SSH2: variants seen among roughly 807,000 people sequenced by gnomAD.
The protein encoded by SSH2 is protein phosphatase Slingshot homolog 2.
In SSH2, 37 loss-of-function variants were observed where a neutral mutation model predicts 135.2. The ratio of observed to expected loss-of-function variants is 0.27; its 90% CI spans 0.21 to 0.36. SSH2 has a LOEUF of 0.36. SSH2 is among the 10% of genes least tolerant of loss of function. The pLI is 1.00. For synonymous variants in SSH2, 628 were observed against 646.2 expected, an observed-to-expected ratio of 0.97 and a Z score of 0.43; for missense variants, 1,408 against 1,765.3, an observed-to-expected ratio of 0.80 and a Z score of 3.63.
rs148936538 is a variant in SSH2 at position 29,730,413 on chromosome 17, T to G, written c.189-27351A>C. Among the ~76,000 whole-genome samples the G allele has an allele frequency of 7.2e-3, 1,071 of 149,270 alleles. 10 individuals carry two copies. The highest frequency in any genetic ancestry group is 0.021 in the African/African-American group (874 of 40,872). Reference sequence around the variant, plus strand: ...ATGCTGGAGGTGACAGATACTCCATTTACCCTGATGTGATTTGACTTTTTC... The same window carrying G: ...ATGCTGGAGGTGACAGATACTCCATGTACCCTGATGTGATTTGACTTTTTC... On this transcript the variant is annotated intron_variant, in intron 3 of 15. Coordinates refer to ENST00000540801, the MANE Select transcript of SSH2 (RefSeq NM_001282129.2).
chr17:29,758,849 A>G (rs2151248755), intron 3 of SSH2, among the ~76,000 whole-genome samples: 1 of 151,160 alleles, frequency 6.6e-6, no homozygotes, highest in Admixed American at 6.6e-5. Flanking sequence ...CCCGGGCTAA[A>G]GTAATCCTCC....
At chr17:29,819,799 C>T (rs1010869062) in intron 2 of SSH2, among the ~76,000 whole-genome samples, 1 of 152,082 alleles carries the variant, frequency 6.6e-6, no homozygotes, top group Non-Finnish European at 1.5e-5. Context: ...AGTAGGCAGT[C>T]ATTAATAGAC....
At chr17:29,859,980 G>A (rs1330986463) in intron 1 of SSH2, among the ~76,000 whole-genome samples, 1 of 152,056 alleles carries the variant, frequency 6.6e-6, no homozygotes, top group Non-Finnish European at 1.5e-5. Flanking sequence ...CTGAGTAGCT[G>A]GGATTACAGG....
chr17:29,862,221 C>A (rs1166501671), intron 1 of SSH2, among the ~76,000 whole-genome samples: 1 of 152,150 alleles, frequency 6.6e-6, no homozygotes, highest in Non-Finnish European at 1.5e-5. Flanking sequence ...TTCCTTCTTC[C>A]AGGCATCCAC....
chr17:29,784,598 C>CAA (rs59705618), intron 3 of SSH2, among the ~76,000 whole-genome samples: 3 of 138,566 alleles, frequency 2.2e-5, no homozygotes, highest in East Asian at 2.2e-4. Context: ...GACTCCTTCT[C>CAA]AAAAAAAAAA....
chr17:29,874,936 C>T (rs947522859), intron 1 of SSH2, among the ~76,000 whole-genome samples: 1 of 152,074 alleles, frequency 6.6e-6, no homozygotes, highest in African/African-American at 2.4e-5. Flanking sequence ...AACTTTCCCC[C>T]AAGTGATCCC....
intron 3 of SSH2, among the ~76,000 whole-genome samples, chr17:29,741,334 C>T (rs1294821632): frequency 1.3e-5 from 2 of 152,140 alleles, no homozygotes; most frequent in African/African-American, 4.8e-5. Flanking sequence ...TCCTAGCAAT[C>T]CCAGAATTGA....
In SSH2 at chr17:29,768,918, A is replaced by G. The variant is rs544326640; in HGVS notation, c.188+24976T>C. ...ACATTCAGTGTGTGTCAGGTGCTCTATTAAGAGTTTACATGGCCAGGTGTG... is the reference window on the plus strand; with the variant it reads ...ACATTCAGTGTGTGTCAGGTGCTCTGTTAAGAGTTTACATGGCCAGGTGTG... On this transcript the variant is annotated intron_variant, in intron 3 of 15. Transcript: ENST00000540801. 2.0e-5 allele frequency among the ~76,000 whole-genome samples: 3 copies of G among 152,280 alleles called. No homozygotes were observed. In the East Asian group the frequency reaches 5.8e-4, roughly 29 times the overall value.
At chr17:29,700,694 CCCT>C (rs1260166802) in intron 4 of SSH2, among the ~76,000 whole-genome samples, 1 of 152,158 alleles carries the variant, frequency 6.6e-6, no homozygotes, top group Non-Finnish European at 1.5e-5. Context: ...TGTATCATTC[CCCT>C]CCTCATACCA....
intron 13 of SSH2, 81 bp downstream of exon 13, chr17:29,650,573 G>A: frequency 7.5e-7 from 1 of 1,333,986 alleles, no homozygotes; most frequent in South Asian, 1.7e-5. Flanking sequence ...TCAGTAAGTT[G>A]TCTATAGCCC....
intron 2 of SSH2, among the ~76,000 whole-genome samples, chr17:29,814,941 TTTTC>T (rs1267563297): frequency 1.3e-5 from 2 of 150,988 alleles, no homozygotes; most frequent in African/African-American, 2.4e-5. Flanking sequence ...TTACTGTTCC[TTTTC>T]TTTCTTTTTT....
intron 13 of SSH2, among the ~76,000 whole-genome samples, chr17:29,650,022 C>T (rs974506589): frequency 5.9e-5 from 9 of 152,138 alleles, no homozygotes; most frequent in Non-Finnish European, 1.2e-4. Context: ...GGCAAACAAG[C>T]TCGTTTATGG....
At chr17:29,719,772 T>C (rs1178641983) in intron 3 of SSH2, among the ~76,000 whole-genome samples, 2 of 152,222 alleles carry the variant, frequency 1.3e-5, no homozygotes, top group East Asian at 1.9e-4. Context: ...TTCTTCTTTT[T>C]TGAGACAGAG....
intron 3 of SSH2, among the ~76,000 whole-genome samples, chr17:29,763,736 A>G (rs538134620): frequency 2.0e-5 from 3 of 152,178 alleles, no homozygotes; most frequent in Non-Finnish European, 4.4e-5. Context: ...ATAAATATGT[A>G]TCTTGTCTTT....
chr17:29,829,155 A>G (rs2042794728), intron 2 of SSH2, among the ~76,000 whole-genome samples: 1 of 152,180 alleles, frequency 6.6e-6, no homozygotes, highest in African/African-American at 2.4e-5. Context: ...AGACTGTAAT[A>G]GTGGCTGTTT....
chr17:29,896,578 A>G (rs1015201808), intron 1 of SSH2, among the ~76,000 whole-genome samples: 6 of 151,064 alleles, frequency 4.0e-5, no homozygotes, highest in Non-Finnish European at 8.9e-5. Context: ...AAAATACATT[A>G]TAAAATGTAT....
chr17:29,746,020 A>G (rs936771910), intron 3 of SSH2, among the ~76,000 whole-genome samples: 2 of 152,302 alleles, frequency 1.3e-5, no homozygotes, highest in Non-Finnish European at 2.9e-5. Context: ...TGTTTAAGGA[A>G]CGGGATACTT....
At chr17:29,761,020 C>T in intron 3 of SSH2, 2 of 971,452 alleles carry the variant, frequency 2.1e-6, no homozygotes, top group South Asian at 2.9e-5. Context: ...CGCACGGAGA[C>T]CTCCAGGCAA....
intron 3 of SSH2, among the ~76,000 whole-genome samples, chr17:29,783,883 G>A (rs2041897340): frequency 6.7e-6 from 1 of 148,780 alleles, no homozygotes. Context: ...CGGCTAAAAC[G>A]GTGAAACCCC....
Sources: allele counts gnomAD v4.1 joint callset (sites outside exome capture counted in the v4.1 genomes callset), GRCh38; gene constraint gnomAD v4.1.1; transcripts MANE v1.5; gene names NCBI Gene and HGNC (gene_info 2026-07-23, HGNC 2026-07-21).